The following SPAG17 variants were observed in gnomAD, a reference collection of about 807,000 sequenced individuals.
SPAG17 encodes the protein sperm associated antigen 17, also known as sperm-associated antigen 17.
In SPAG17, 169 loss-of-function variants were observed where a neutral mutation model predicts 273.6. The ratio of observed to expected loss-of-function variants is 0.62; its 90% CI spans 0.55 to 0.70. The LOEUF is 0.70. Ranked by LOEUF, SPAG17 falls within the 30% of genes least tolerant of loss-of-function variation. The probability of loss-of-function intolerance (pLI) is 0.00; values close to 1 mark genes in which losing one functional copy is unlikely to be tolerated. For missense variants in SPAG17, 2,557 were observed against 2,627.8 expected (o/e 0.97, Z 0.59); for synonymous variants, 825 against 873.2 (o/e 0.94, Z 0.97).
rs142597408 is a variant in SPAG17, at chr1:117,973,508, C to T, written c.6058G>A (p.Val2020Ile). ...KIPTQSLLQDVAGQTRKEKVK... is the reference protein window; with the variant it reads ...KIPTQSLLQDIAGQTRKEKVK... ...TTTTCTTTTCTTGTTTGTCCCGCAA[C>T]ATCCTGCAGCAAGGACTGGGTTGGA... Residue 2020 changes from valine (V) to isoleucine (I), a missense_variant, in exon 44 of 49, where the codon GTT becomes ATT. Coordinates refer to ENST00000336338, the MANE Select transcript of SPAG17 (RefSeq NM_206996.4). 2.9e-5 allele frequency: 47 copies of T among 1,614,092 alleles called. No homozygotes were observed. In the African/African-American group the frequency reaches 3.7e-4, roughly 13 times the overall value.
rs76000932 is a variant in SPAG17 at position 117,964,016 on chromosome 1, A to G, written c.6533-78T>C. ...TAAACCTAAATAACATTTTAGAATC[A>G]TAGAATTTCTTCTCTGGCAACATCA... On this transcript the variant is annotated intron_variant, in intron 47 of 48. Coordinates refer to ENST00000336338, the MANE Select transcript of SPAG17 (RefSeq NM_206996.4). 1.5e-3 allele frequency: 2,299 copies of G among 1,485,662 alleles called. 44 individuals carry two copies. The African/African-American group carries it at 0.029, about 19-fold the overall frequency. The allele number at this position is 1,485,662 out of a possible 1,614,324, so 92.0% of individuals were successfully genotyped here. A position where few individuals can be genotyped will look rare whatever the true frequency, so the allele number is the denominator to read the frequency against.
chr1:118,007,120 T>C (rs1253144441), intron 31 of SPAG17, among the ~76,000 whole-genome samples: 1 of 152,190 alleles, frequency 6.6e-6, no homozygotes, highest in Non-Finnish European at 1.5e-5. Flanking sequence ...TTGGTAAAGC[T>C]TGTATGTTTG....
At chr1:118,184,358 A>G (rs1661082285) in intron 1 of SPAG17, among the ~76,000 whole-genome samples, 1 of 152,128 alleles carries the variant, frequency 6.6e-6, no homozygotes, top group Non-Finnish European at 1.5e-5. Context: ...GACAAGAGCT[A>G]TTGGGCTCCT....
intron 23 of SPAG17, among the ~76,000 whole-genome samples, chr1:118,038,231 T>G (rs188282520): frequency 5.9e-5 from 9 of 152,290 alleles, no homozygotes; most frequent in African/African-American, 2.2e-4. Flanking sequence ...AACAACAAGA[T>G]ACCACTAGAC....
chr1:118,181,004 CAGA>C (rs1297589398), intron 1 of SPAG17, among the ~76,000 whole-genome samples: 1 of 151,870 alleles, frequency 6.6e-6, no homozygotes, highest in Non-Finnish European at 1.5e-5. Flanking sequence ...ATAAGTCATG[CAGA>C]AGGTGAAGCT....
intron 10 of SPAG17, among the ~76,000 whole-genome samples, chr1:118,090,149 C>G (rs1484823299): frequency 4.6e-5 from 7 of 152,166 alleles, no homozygotes; most frequent in Admixed American, 6.5e-5. Context: ...TAGGATTGTT[C>G]TGAAGATTAC....
chr1:118,079,357 T>C (rs1395459907), intron 15 of SPAG17, among the ~76,000 whole-genome samples: 1 of 152,132 alleles, frequency 6.6e-6, no homozygotes, highest in Admixed American at 6.5e-5. Flanking sequence ...TTGTTTATAT[T>C]ATCTTGCAAT....
chr1:118,101,801 T>C lies in SPAG17; in HGVS notation c.573A>G (p.Pro191=), dbSNP rs746415265. Residue 191 remains proline (P), a synonymous_variant, in exon 5 of 49, where the codon CCA becomes CCG. Transcript: ENST00000336338. ...GCTTTAACTGGGTGGTCTTTTTCAC[T>C]GGTGCATTTGCCTCAGGCTGATCCT... ...KGKDQPEANA[P]VKKTTQLKRR... 13 of 1,613,992 alleles carry C rather than the reference T, an allele frequency of 8.1e-6. No individual in the cohort carries two copies. In the South Asian group the frequency reaches 1.2e-4, roughly 15 times the overall value.
At chr1:118,042,143 T>A in intron 20 of SPAG17, 101 bp from the exon 21 acceptor site, 1 of 1,382,706 alleles carries the variant, frequency 7.2e-7, no homozygotes, top group Non-Finnish European at 9.8e-7. Flanking sequence ...TTTTTGTTAG[T>A]GTATCTCTGA....
intron 17 of SPAG17, among the ~76,000 whole-genome samples, chr1:118,071,730 G>T (rs1320925295): frequency 6.6e-6 from 1 of 151,836 alleles, no homozygotes; most frequent in African/African-American, 2.4e-5. Flanking sequence ...GATAATAACA[G>T]GAATAAAGGG....
rs753945274 is a variant in SPAG17 at position 118,042,052 on chromosome 1, C to A, written c.2815-10G>T. ...GCTCTTCTTTCCATGCCTGTAAACACATTTAAGAAATTTAACAGGATTTTT... is the reference window on the plus strand; with the variant it reads ...GCTCTTCTTTCCATGCCTGTAAACAAATTTAAGAAATTTAACAGGATTTTT... On this transcript the variant is annotated splice_polypyrimidine_tract_variant and intron_variant, in intron 20 of 48. Coordinates refer to ENST00000336338, the MANE Select transcript of SPAG17 (RefSeq NM_206996.4). The A allele has an allele frequency of 6.3e-6, 10 of 1,593,234 alleles. No individual in the cohort carries two copies. In the South Asian group the frequency reaches 1.0e-4, roughly 17 times the overall value.
chr1:117,962,350 TTCA>T (rs1653212351), intron 48 of SPAG17: 1 of 152,230 alleles, frequency 6.6e-6, no homozygotes, highest in Admixed American at 6.5e-5. Flanking sequence ...TAAGTCAGTA[TTCA>T]TTGCCTTAGT....
At chr1:118,132,005 C>T (rs1658078547) in intron 3 of SPAG17, among the ~76,000 whole-genome samples, 1 of 152,206 alleles carries the variant, frequency 6.6e-6, no homozygotes, top group Admixed American at 6.5e-5. Context: ...AGAAGCAGGC[C>T]CTGCCCATAG....
chr1:117,974,492 C>T lies in SPAG17; in HGVS notation c.6005-931G>A, dbSNP rs927409385. 1.5e-4 allele frequency among the ~76,000 whole-genome samples: 23 copies of T among 151,822 alleles called. 1 individual carries two copies. The highest frequency in any genetic ancestry group is 5.6e-4 in the African/African-American group (23 of 41,314). On this transcript the variant is annotated intron_variant, in intron 43 of 48. Coordinates refer to ENST00000336338, the MANE Select transcript of SPAG17 (RefSeq NM_206996.4). Reference sequence around the variant, plus strand: ...TAAATCAACATTATATAATACAATACAACATTAACTCTGAAAGATTTATTA... The same window carrying T: ...TAAATCAACATTATATAATACAATATAACATTAACTCTGAAAGATTTATTA...
At chr1:118,023,487 A>G (rs907897403) in intron 27 of SPAG17, 24 bp from the exon 28 acceptor site, 1 of 1,597,916 alleles carries the variant, frequency 6.3e-7, no homozygotes, top group African/African-American at 1.3e-5. Context: ...AAAAGTTTTC[A>G]GCATTCTCAG....
intron 35 of SPAG17, 72 bp from the exon 36 acceptor site, chr1:117,992,720 G>C (rs1477926369): frequency 7.8e-7 from 1 of 1,287,526 alleles, no homozygotes; most frequent in Non-Finnish European, 1.0e-6. Context: ...TTTTTTAACT[G>C]TTCATTTATT....
At chr1:118,089,550 C>A (rs1260350191) in intron 10 of SPAG17, among the ~76,000 whole-genome samples, 1 of 151,900 alleles carries the variant, frequency 6.6e-6, no homozygotes, top group African/African-American at 2.4e-5. Flanking sequence ...AAAGAGAAAA[C>A]CCTAACAGCT....
chr1:118,095,640 AAG>A (rs952824665), intron 7 of SPAG17, among the ~76,000 whole-genome samples: 11 of 152,358 alleles, frequency 7.2e-5, no homozygotes, highest in Admixed American at 5.2e-4. Flanking sequence ...TGGTCTGTGG[AAG>A]AGAGAGTAAG....
intron 18 of SPAG17, among the ~76,000 whole-genome samples, chr1:118,065,769 T>C (rs981623277): frequency 2.6e-5 from 4 of 152,012 alleles, no homozygotes; most frequent in African/African-American, 7.2e-5. Context: ...TGAGAACTCA[T>C]AGCAAACTAG....
Sources: gnomAD v4.1 joint callset for allele counts (sites outside exome capture counted in the v4.1 genomes callset) on GRCh38, gnomAD v4.1.1 for gene constraint, MANE v1.5 for transcripts, NCBI Gene and HGNC (gene_info 2026-07-23, HGNC 2026-07-21) for gene names.